The following MYO7B variants were observed in gnomAD, a reference collection of about 807,000 sequenced individuals.
The protein encoded by MYO7B is myosin VIIB, also known as unconventional myosin-VIIb.
A neutral mutation model predicts 259.7 loss-of-function variants in MYO7B; 212 were observed. That is an observed-to-expected ratio of 0.82 (90% CI 0.73 to 0.91). The LOEUF (loss-of-function observed/expected upper bound fraction) is 0.91. Among genes scored for constraint, MYO7B ranks in the 40% least tolerant of loss-of-function variants. The probability of loss-of-function intolerance (pLI) is 0.00; values close to 1 mark genes in which losing one functional copy is unlikely to be tolerated. For missense variants in MYO7B, 2,732 were observed against 2,813.5 expected, an observed-to-expected ratio of 0.97 and a Z score of 0.66; for synonymous variants, 1,197 against 1,166.4, an observed-to-expected ratio of 1.03 and a Z score of -0.54.
chr2:127,607,881 T>G lies in MYO7B; in HGVS notation c.2643+457T>G, dbSNP rs527953785. Among the ~76,000 whole-genome samples the G allele has an allele frequency of 3.5e-4, 53 of 152,134 alleles. No homozygotes were observed. The highest frequency in any genetic ancestry group is 1.6e-3 in the Admixed American group (24 of 15,274). ...CAGGGATGGTTGGTCCCCTGGAAGG[T>G]GCAGCAAAGCTGAGCCAGACAAGCT... is the stretch of plus-strand genomic sequence containing the variant. On this transcript the variant is annotated intron_variant, in intron 21 of 47. Coordinates refer to ENST00000409816, the MANE Select transcript of MYO7B (RefSeq NM_001393586.1). This position sits in a 1 kb window ranked among gnomAD's most constrained non-coding sequence, Gnocchi z 4.4.
intron 26 of MYO7B, among the ~76,000 whole-genome samples, chr2:127,617,486 G>GTTTT (rs1558838488): frequency 2.8e-5 from 3 of 107,830 alleles, no homozygotes; most frequent in Non-Finnish European, 5.3e-5. Context: ...CTTGTAACGG[G>GTTTT]GTTTTTTTTT....
chr2:127,632,172 C>G, intron 38 of MYO7B, 74 bp from the exon 39 acceptor site: 1 of 1,513,220 alleles, frequency 6.6e-7, no homozygotes, highest in Non-Finnish European at 8.9e-7. Flanking sequence ...CACATCCGTC[C>G]CTGCTCCCCA....
intron 1 of MYO7B, among the ~76,000 whole-genome samples, chr2:127,555,698 C>T (rs1322265969): frequency 6.6e-6 from 1 of 152,188 alleles, no homozygotes; most frequent in Admixed American, 6.5e-5. Flanking sequence ...CATGTATTTG[C>T]ATGGTTTTGG....
chr2:127,562,482 G>GTTTTT lies in MYO7B; in HGVS notation c.19-1651_19-1647dup, dbSNP rs56290548. Among the ~76,000 whole-genome samples the GTTTTT allele has an allele frequency of 2.4e-3, 149 of 61,204 alleles. 1 individual carries two copies. The highest frequency in any genetic ancestry group is 3.2e-3 in the Non-Finnish European group (114 of 35,514). 40.2% of individuals were successfully genotyped at this position (61,204 alleles called of 152,430 possible). ...CAGCTAATTTTTGTGGGGTTTTATT[G>GTTTTT]TTTTTTTTTTTTTTTTTTTTTTTTG... On this transcript the variant is annotated intron_variant, in intron 2 of 47. Coordinates refer to ENST00000409816, the MANE Select transcript of MYO7B (RefSeq NM_001393586.1).
At chr2:127,593,106 A>C in intron 17 of MYO7B, among the ~76,000 whole-genome samples, 160 bp downstream of exon 17, 2 of 150,076 alleles carry the variant, frequency 1.3e-5, no homozygotes, top group African/African-American at 2.5e-5. Flanking sequence ...CTCCCACCCT[A>C]CCCTCTCCCT....
In MYO7B at chr2:127,596,774, A is replaced by G. The variant is rs72843365; in HGVS notation, c.2339+218A>G. Among the ~76,000 whole-genome samples the G allele has an allele frequency of 6.2e-3, 944 of 152,370 alleles. 6 individuals are homozygous for G. The highest frequency in any genetic ancestry group is 9.1e-3 in the Admixed American group (140 of 15,308). ...TTTGGAAAAAACAAAAAAACACTCCATATGCAAGAGATGGGAGCCGAATGA... is the reference window on the plus strand; with the variant it reads ...TTTGGAAAAAACAAAAAAACACTCCGTATGCAAGAGATGGGAGCCGAATGA... On this transcript the variant is annotated intron_variant, in intron 19 of 47. Coordinates refer to ENST00000409816, the MANE Select transcript of MYO7B (RefSeq NM_001393586.1).
intron 37 of MYO7B, 68 bp downstream of exon 37, chr2:127,631,431 C>T: frequency 6.4e-7 from 1 of 1,565,022 alleles, no homozygotes; most frequent in Non-Finnish European, 8.7e-7. Flanking sequence ...CACATCCTGG[C>T]CCTACAGCTG....
chr2:127,571,668 CGG>C (rs1265810172), intron 6 of MYO7B, among the ~76,000 whole-genome samples: 1 of 151,504 alleles, frequency 6.6e-6, no homozygotes, highest in Non-Finnish European at 1.5e-5. Flanking sequence ...TTAGTAGAGA[CGG>C]GGTTTCTCCA....
intron 1 of MYO7B, among the ~76,000 whole-genome samples, chr2:127,548,925 T>C (rs1693339040): frequency 6.6e-6 from 1 of 152,240 alleles, no homozygotes; most frequent in Admixed American, 6.5e-5. Flanking sequence ...TGATTTCTAG[T>C]TTAATTCCAT....
At chr2:127,549,875 C>T in intron 1 of MYO7B, among the ~76,000 whole-genome samples, 1 of 152,114 alleles carries the variant, frequency 6.6e-6, no homozygotes, top group Admixed American at 6.5e-5. Flanking sequence ...GGGAATTAAG[C>T]CATCCAAATG....
chr2:127,578,392 A>G (rs1678966290), intron 9 of MYO7B, 106 bp downstream of exon 9: 1 of 1,393,608 alleles, frequency 7.2e-7, no homozygotes, highest in African/African-American at 1.4e-5. Context: ...CTGTGGTCCA[A>G]CCCAGGCCTG....
chr2:127,562,702 G>T (rs1678156848), intron 2 of MYO7B, among the ~76,000 whole-genome samples: 1 of 151,872 alleles, frequency 6.6e-6, no homozygotes. Context: ...TGGCCAGGCT[G>T]GTCTTGAACT....
chr2:127,612,203 A>C, intron 24 of MYO7B, 47 bp from the exon 25 acceptor site: 1 of 557,358 alleles, frequency 1.8e-6, no homozygotes, highest in Non-Finnish European at 3.4e-6. Flanking sequence ...AGCATCACTG[A>C]GGTGAGCCCA....
Position 127,631,270 on chromosome 2 carries a change from T to C in MYO7B, c.5002T>C (p.Trp1668Arg). 1 of 1,612,042 alleles carries C rather than the reference T, an allele frequency of 6.2e-7. No individual in the cohort carries two copies. The highest frequency in any genetic ancestry group is 2.2e-5 in the East Asian group (1 of 44,838). Residue 1668 changes from tryptophan (W) to arginine (R), a missense_variant, in exon 37 of 48, where the codon TGG becomes CGG. Physicochemically the swap from Trp to Arg is moderately radical, Grantham distance 101 (BLOSUM62 -3). Around this residue, in one of 3 missense-constraint regions of MYO7B, gnomAD observed 821 missense variants for 769.3 expected, o/e 1.07. Transcript: ENST00000409816. ...LPLARARGHL[W>R]AYSCEPLRQP... The stretch of plus-strand genomic sequence containing the variant: ...CCTGGCCCGTGCCCGTGGCCACCTG[T>C]GGGCCTATTCCTGCGAGCCGCTGCG...
At chr2:127,552,977 G>GTCTCAGCATT (rs201474640) in intron 1 of MYO7B, among the ~76,000 whole-genome samples, 4 of 152,202 alleles carry the variant, frequency 2.6e-5, no homozygotes, top group Admixed American at 2.6e-4. Context: ...CCTCTGCAAA[G>GTCTCAGCATT]TCTCAGCATT....
chr2:127,554,280 G>T (rs1340133716), intron 1 of MYO7B, among the ~76,000 whole-genome samples: 1 of 152,080 alleles, frequency 6.6e-6, no homozygotes, highest in Non-Finnish European at 1.5e-5. Flanking sequence ...CTCCATGTTG[G>T]TCAGGCTGGT....
In MYO7B at chr2:127,586,279, G is replaced by T. The variant is rs1157420972; in HGVS notation, c.1690+1366G>T. Among the ~76,000 whole-genome samples the T allele has an allele frequency of 1.3e-5, 2 of 152,154 alleles. 1 individual carries two copies. Among genetic ancestry groups the T allele is most frequent in the African/African-American group, 4.8e-5 (2 of 41,434 alleles). ...GTTTTGACTGAAGAAGTGAAGGCCT[G>T]GGGTGGTCACCCTATGGGTGTGCCA... On this transcript the variant is annotated intron_variant, in intron 14 of 47. Transcript: ENST00000409816. This position sits in a 1 kb window ranked among gnomAD's most constrained non-coding sequence, Gnocchi z 4.8.
chr2:127,549,864 TG>T (rs1458288218), intron 1 of MYO7B, among the ~76,000 whole-genome samples: 1 of 152,122 alleles, frequency 6.6e-6, no homozygotes, highest in Non-Finnish European at 1.5e-5. Context: ...GGCAGATCAG[TG>T]GGAATTAAGC....
Position 127,580,770 on chromosome 2 carries a change from C to T in MYO7B, c.1028C>T (p.Ala343Val). The T allele has an allele frequency of 6.2e-7, 1 of 1,613,596 alleles. No homozygotes were observed. Among genetic ancestry groups the T allele is most frequent in the Non-Finnish European group, 8.5e-7 (1 of 1,179,778 alleles). ...FMASVFENLD[A>V]SDVMETPAFP... Reference sequence around the variant, plus strand: ...GCTTCGGTCTTCGAGAACCTGGACGCCTCAGACGTGATGGAGACGCCCGCC... The same window carrying T: ...GCTTCGGTCTTCGAGAACCTGGACGTCTCAGACGTGATGGAGACGCCCGCC... Residue 343 changes from alanine to valine, a missense_variant, in exon 10 of 48, where the codon GCC (alanine) becomes GTC (valine). Physicochemically the swap from Ala to Val is moderately conservative, Grantham distance 64 (BLOSUM62 0). Coordinates refer to ENST00000409816, the MANE Select transcript of MYO7B (RefSeq NM_001393586.1).
Sources: gnomAD v4.1 joint callset for allele counts (sites outside exome capture counted in the v4.1 genomes callset) on GRCh38, gnomAD v4.1.1 for gene constraint, gnomAD v4.1.1 regional missense constraint, Gnocchi (gnomAD v3.1) non-coding constraint, MANE v1.5 for transcripts, NCBI Gene and HGNC (gene_info 2026-07-23, HGNC 2026-07-21) for gene names.